Variants in PABPC4L observed in about 807,000 individuals in gnomAD.
PABPC4L encodes the protein poly(A) binding protein cytoplasmic 4 like, also known as polyadenylate-binding protein 4-like.
For missense variants in PABPC4L, 452 were observed against 451.4 expected (o/e 1.00, Z -0.01); for synonymous variants, 169 against 164.1 (o/e 1.03, Z -0.23).
the PABPC4L span, among the ~76,000 whole-genome samples, chr4:134,094,740 T>TC: frequency 3.3e-5 from 5 of 151,676 alleles, no homozygotes; most frequent in Non-Finnish European, 4.4e-5. Context: ...AAAGGTAGCA[T>TC]TTTTCTTTTA....
the PABPC4L span, among the ~76,000 whole-genome samples, chr4:134,048,013 C>G: frequency 6.6e-6 from 1 of 152,018 alleles, no homozygotes. Flanking sequence ...CATTTTAAAA[C>G]ATGCTTTTTT....
chr4:134,039,990 C>A, the PABPC4L span, among the ~76,000 whole-genome samples: 1 of 151,816 alleles, frequency 6.6e-6, no homozygotes, highest in Non-Finnish European at 1.5e-5. Context: ...AATAAAATAC[C>A]TTGGAATACA....
At chr4:134,165,139 T>C in the PABPC4L span, among the ~76,000 whole-genome samples, 2 of 152,126 alleles carry the variant, frequency 1.3e-5, no homozygotes, top group African/African-American at 2.4e-5. Flanking sequence ...CAACTTAAGA[T>C]GGATTAAAGC....
At chr4:134,150,817 A>G in the PABPC4L span, among the ~76,000 whole-genome samples, 152 of 152,286 alleles carry the variant, frequency 1.0e-3, no homozygotes, top group Admixed American at 2.6e-3. Flanking sequence ...CAGATACATA[A>G]CAAGTTCACT....
At chr4:134,135,260 G>A in the PABPC4L span, among the ~76,000 whole-genome samples, 3 of 151,960 alleles carry the variant, frequency 2.0e-5, no homozygotes, top group Admixed American at 6.6e-5. Flanking sequence ...CAAGTTTTCT[G>A]GTATTTTCTG....
the PABPC4L span, among the ~76,000 whole-genome samples, chr4:134,035,417 GA>G: frequency 7.0e-6 from 1 of 142,456 alleles, no homozygotes; most frequent in Non-Finnish European, 1.5e-5. Context: ...ATTTTGGACT[GA>G]TGCTTGGTTA....
chr4:134,096,784 T>G, the PABPC4L span, among the ~76,000 whole-genome samples: 3 of 151,966 alleles, frequency 2.0e-5, no homozygotes, highest in Non-Finnish European at 4.4e-5. Context: ...AAATATGTTA[T>G]TGTCAAATTT....
At chr4:134,066,211 TATG>T in the PABPC4L span, among the ~76,000 whole-genome samples, 2 of 151,972 alleles carry the variant, frequency 1.3e-5, no homozygotes, top group Non-Finnish European at 2.9e-5. Flanking sequence ...TCATGTCATC[TATG>T]ATTTCTTTTA....
At chr4:134,092,727 G>A in the PABPC4L span, among the ~76,000 whole-genome samples, 3 of 151,944 alleles carry the variant, frequency 2.0e-5, no homozygotes, top group Non-Finnish European at 4.4e-5. Flanking sequence ...CCACTCACCT[G>A]TATCCTCTCC....
chr4:134,175,391 C>T, the PABPC4L span, among the ~76,000 whole-genome samples: 1 of 151,086 alleles, frequency 6.6e-6, no homozygotes, highest in Non-Finnish European at 1.5e-5. Flanking sequence ...AATGATCTGA[C>T]CTTTTTTTAA....
the PABPC4L span, among the ~76,000 whole-genome samples, chr4:134,019,568 T>C: frequency 1.3e-5 from 2 of 152,150 alleles, no homozygotes; most frequent in African/African-American, 4.8e-5. Flanking sequence ...CTATAAGTTA[T>C]AGCAGAAAAT....
At chr4:134,139,577 T>G in the PABPC4L span, among the ~76,000 whole-genome samples, 2 of 151,970 alleles carry the variant, frequency 1.3e-5, no homozygotes, top group African/African-American at 4.8e-5. Flanking sequence ...CTATTTTAGT[T>G]TTCAAGTGTC....
At chr4:134,003,910 A>G in the PABPC4L span, among the ~76,000 whole-genome samples, 1 of 151,940 alleles carries the variant, frequency 6.6e-6, no homozygotes, top group Non-Finnish European at 1.5e-5. Flanking sequence ...GCTAGGTATG[A>G]TTAAGAATAA....
chr4:134,105,000 A>G, the PABPC4L span, among the ~76,000 whole-genome samples: 4 of 151,804 alleles, frequency 2.6e-5, no homozygotes, highest in Non-Finnish European at 4.4e-5. Flanking sequence ...AGTGCTGCCC[A>G]ACAAGATGCA....
the PABPC4L span, among the ~76,000 whole-genome samples, chr4:134,047,957 T>G: frequency 6.6e-6 from 1 of 152,152 alleles, no homozygotes; most frequent in African/African-American, 2.4e-5. Flanking sequence ...TTTTGAAATT[T>G]TCTGACGGCA....
chr4:133,988,709 G>A, the PABPC4L span, among the ~76,000 whole-genome samples: 1 of 152,198 alleles, frequency 6.6e-6, no homozygotes, highest in Non-Finnish European at 1.5e-5. Flanking sequence ...GGGTCTGGAG[G>A]ATGGTGGCCC....
chr4:134,098,756 G>T, the PABPC4L span, among the ~76,000 whole-genome samples: 3 of 151,598 alleles, frequency 2.0e-5, no homozygotes, highest in East Asian at 5.8e-4. Context: ...AAACTAAAGA[G>T]AAACTAGCAA....
the PABPC4L span, among the ~76,000 whole-genome samples, chr4:134,086,797 G>GTTT: frequency 1.6e-5 from 2 of 127,840 alleles, no homozygotes; most frequent in African/African-American, 5.9e-5. Flanking sequence ...TGTTTTATTT[G>GTTT]TTTTTTTTTC....
chr4:133,964,894 C>G, the PABPC4L span, among the ~76,000 whole-genome samples: 1 of 152,114 alleles, frequency 6.6e-6, no homozygotes, highest in Admixed American at 6.5e-5. Context: ...AGCCTCCCCT[C>G]TGAGAACTGG....
Sources: allele counts gnomAD v4.1 joint callset (sites outside exome capture counted in the v4.1 genomes callset), GRCh38; gene constraint gnomAD v4.1.1; transcripts MANE v1.5; gene names NCBI Gene and HGNC (gene_info 2026-07-23, HGNC 2026-07-21).